Variants in CCDC74A observed in about 807,000 individuals in gnomAD.
The protein encoded by CCDC74A is coiled-coil domain containing 74A, also known as coiled-coil domain-containing protein 74A.
In CCDC74A, 38 loss-of-function variants were observed where a neutral mutation model predicts 37.6. The ratio of observed to expected loss-of-function variants is 1.01; its 90% CI spans 0.78 to 1.33. The LOEUF is 1.33. Among genes scored for constraint, CCDC74A ranks in the 40% most tolerant of loss-of-function variants. The pLI is 0.00. For synonymous variants in CCDC74A, 134 were observed against 165.2 expected (o/e 0.81, Z 1.45); for missense variants, 340 against 403.4 (o/e 0.84, Z 1.35).
chr2:131,524,161 C>T (rs1400606410), upstream of CCDC74A, among the ~76,000 whole-genome samples: 1 of 152,280 alleles, frequency 6.6e-6, no homozygotes, highest in East Asian at 1.9e-4. Context: ...AAGACCCATC[C>T]GGATTCACTG....
At chr2:131,525,642 A>C (rs1474854785), upstream of CCDC74A, among the ~76,000 whole-genome samples, 1 of 149,076 alleles carries the variant, frequency 6.7e-6, no homozygotes, top group African/African-American at 2.5e-5. Context: ...CCACCTCCTG[A>C]GTTCAAGCAA....
upstream of CCDC74A, chr2:131,527,737 C>A (rs1812766): frequency 0.35 from 210,846 of 593,992 alleles, 41,983 homozygotes; most frequent in East Asian, 0.7. Flanking sequence ...TCAAATGATC[C>A]GTCCGCCTCG....
chr2:131,522,807 G>A (rs1219667513), upstream of CCDC74A, among the ~76,000 whole-genome samples: 1 of 152,188 alleles, frequency 6.6e-6, no homozygotes, highest in Non-Finnish European at 1.5e-5. Flanking sequence ...TGTGCAGTCA[G>A]GAGAAATCTA....
In CCDC74A at chr2:131,533,375, C is replaced by T. The variant is rs138602572; in HGVS notation, c.916C>T (p.Arg306Cys). Residue 306 changes from arginine (R) to cysteine (C), a missense_variant, in exon 8 of 8, where the codon CGC (arginine) becomes TGC (cysteine). By Grantham distance (180) the Arg-to-Cys change is radical. This residue lies in a region of CCDC74A where 185 missense variants were observed against 231.5 expected (regional missense o/e 0.80). Coordinates refer to ENST00000409856, the MANE Select transcript of CCDC74A (RefSeq NM_001258306.3). Reference protein sequence around the residue: ...QKRLQAMQKRRLHRSVL With the variant: ...QKRLQAMQKRCLHRSVL The stretch of plus-strand genomic sequence containing the variant: ...GAGGCTGCAGGCAATGCAGAAACGG[C>T]GCCTGCATCGCTCAGTGCTTTGAGC... 269 of 1,613,502 alleles carry T rather than the reference C, an allele frequency of 1.7e-4. 1 individual carries two copies. The African/African-American group carries it at 2.7e-3, about 16-fold the overall frequency.
intron 6 of CCDC74A, 23 bp from the exon 7 acceptor site, chr2:131,532,990 C>G (rs764776952): frequency 6.2e-7 from 1 of 1,613,968 alleles, no homozygotes; most frequent in Non-Finnish European, 8.5e-7. Context: ...CCACAGCTCA[C>G]TGCTGACTCT....
chr2:131,529,578 G>A (rs761035196), intron 1 of CCDC74A, 69 bp from the exon 2 acceptor site: 81 of 1,603,286 alleles, frequency 5.1e-5, no homozygotes, highest in Non-Finnish European at 5.6e-5. Flanking sequence ...GGAGAGGACA[G>A]GCCAGGCTTC....
the CCDC74A span, among the ~76,000 whole-genome samples, chr2:131,522,649 G>A: frequency 7.0e-4 from 107 of 152,084 alleles, no homozygotes; most frequent in African/African-American, 2.5e-3. Flanking sequence ...CCTCCGCATC[G>A]TCCTCCTTGC....
intron 4 of CCDC74A, among the ~76,000 whole-genome samples, chr2:131,532,370 G>A (rs1342091987): frequency 6.7e-6 from 1 of 149,146 alleles, no homozygotes; most frequent in African/African-American, 2.5e-5. Context: ...GTCACCCACT[G>A]AAGCCCATCT....
At chr2:131,524,886 C>CAAAAAAAAAAAAAA (rs57589680), upstream of CCDC74A, among the ~76,000 whole-genome samples, 2 of 98,276 alleles carry the variant, frequency 2.0e-5, no homozygotes, top group East Asian at 2.8e-4. Flanking sequence ...CATAGTAAGA[C>CAAAAAAAAAAAAAA]AAAAAAAAAA....
chr2:131,525,168 T>TA (rs893882830), upstream of CCDC74A, among the ~76,000 whole-genome samples: 9 of 151,592 alleles, frequency 5.9e-5, no homozygotes, highest in Admixed American at 2.0e-4. Context: ...TGTCATCTGT[T>TA]AAAAAAAAAT....
chr2:131,529,343 G>C (rs766341586), intron 1 of CCDC74A: 16 of 576,532 alleles, frequency 2.8e-5, no homozygotes, highest in Non-Finnish European at 4.4e-5. Flanking sequence ...AGGGGTTCCG[G>C]AGTTCACCTC....
At position 131,533,268 on chromosome 2, in the gene CCDC74A, G is replaced by C; in HGVS notation, c.810-1G>C. 6.2e-7 allele frequency: 1 copy of C among 1,612,816 alleles called. No individual in the cohort carries two copies. Among genetic ancestry groups the C allele is most frequent in the Non-Finnish European group, 8.5e-7 (1 of 1,179,840 alleles). On this transcript the variant is annotated splice_acceptor_variant, in intron 7 of 7. Transcript: ENST00000409856. LOFTEE classifies it high-confidence loss of function. Reference sequence around the variant, plus strand: ...GGTGACAGTCCCTCTACCCGCCCCAGCCTGAGCCCACCTGTGGCGGAGCGT... The same window carrying C: ...GGTGACAGTCCCTCTACCCGCCCCACCCTGAGCCCACCTGTGGCGGAGCGT...
At chr2:131,526,280 G>A (rs990944699), upstream of CCDC74A, among the ~76,000 whole-genome samples, 4 of 150,774 alleles carry the variant, frequency 2.7e-5, no homozygotes, top group African/African-American at 9.7e-5. Context: ...CCAAGTAGCT[G>A]GAATTACAGG....
chr2:131,523,196 C>T (rs72859900), upstream of CCDC74A, among the ~76,000 whole-genome samples: 10,411 of 152,284 alleles, frequency 0.068, 423 homozygotes, highest in Non-Finnish European at 0.098. Context: ...TGAGCCACCA[C>T]GCTGGAGAGA....
At chr2:131,523,882 G>A (rs1680211289), upstream of CCDC74A, among the ~76,000 whole-genome samples, 1 of 152,014 alleles carries the variant, frequency 6.6e-6, no homozygotes, top group South Asian at 2.1e-4. Flanking sequence ...AGGGTAAGGA[G>A]GGTACTGTAC....
chr2:131,531,345 C>T (rs1225040915), intron 3 of CCDC74A, among the ~76,000 whole-genome samples: 1 of 152,084 alleles, frequency 6.6e-6, no homozygotes, highest in African/African-American at 2.4e-5. Flanking sequence ...GCTAGACGGG[C>T]CTTGTCCTTG....
intron 2 of CCDC74A, chr2:131,530,275 T>A: frequency 1.3e-5 from 20 of 1,539,528 alleles, no homozygotes; most frequent in Non-Finnish European, 1.7e-5. Flanking sequence ...TCACTTCCCA[T>A]TATCTTTGGG....
rs1680895507 is a variant in CCDC74A, at chr2:131,529,731, G to T, written c.295+40G>T. The T allele has an allele frequency of 6.2e-6, 10 of 1,609,104 alleles. No homozygotes were observed. The South Asian group carries it at 1.1e-4, about 18-fold the overall frequency. ...CTTCAGTGACTGATGGGATGCTCTT[G>T]CCACCCAGGGGAGCCCCTCCAGACT... On this transcript the variant is annotated intron_variant, in intron 2 of 7. Coordinates refer to ENST00000409856, the MANE Select transcript of CCDC74A (RefSeq NM_001258306.3).
chr2:131,525,286 G>A (rs1680258301), upstream of CCDC74A, among the ~76,000 whole-genome samples: 1 of 151,988 alleles, frequency 6.6e-6, no homozygotes, highest in Non-Finnish European at 1.5e-5. Flanking sequence ...AGGTCTCTCT[G>A]TGTTGTCCAA....
Sources: allele counts gnomAD v4.1 joint callset (sites outside exome capture counted in the v4.1 genomes callset), GRCh38; gene constraint gnomAD v4.1.1; regional missense constraint gnomAD v4.1.1; transcripts MANE v1.5; gene names NCBI Gene and HGNC (gene_info 2026-07-23, HGNC 2026-07-21).